RBFOX1: variants seen among roughly 807,000 people sequenced by gnomAD.
The protein encoded by RBFOX1 is RNA binding fox-1 homolog 1, also known as RNA binding protein fox-1 homolog 1.
A neutral mutation model predicts 57.7 loss-of-function variants in RBFOX1; 8 were observed. The observed-to-expected ratio is 0.14, with a 90% CI of 0.08 to 0.25. RBFOX1 has a LOEUF of 0.25. Ranked by LOEUF, RBFOX1 falls within the 10% of genes least tolerant of loss-of-function variation. RBFOX1 has a pLI of 1.00. For missense variants in RBFOX1, 611 were observed against 548.5 expected, an observed-to-expected ratio of 1.11 and a Z score of -1.14; for synonymous variants, 326 against 222.4, an observed-to-expected ratio of 1.47 and a Z score of -4.15.
chr16:6,523,283 G>T (rs1468603845), intron 2 of RBFOX1, among the ~76,000 whole-genome samples: 1 of 152,090 alleles, frequency 6.6e-6, no homozygotes, highest in Non-Finnish European at 1.5e-5. Flanking sequence ...CAGAGGGAGG[G>T]GGGGTTAGTA....
intron 4 of RBFOX1, among the ~76,000 whole-genome samples, chr16:5,907,958 C>A (rs1269015404): frequency 6.6e-6 from 1 of 151,650 alleles, no homozygotes; most frequent in Non-Finnish European, 1.5e-5. Flanking sequence ...ACTATGTTGG[C>A]CAGGCTGATC....
intron 4 of RBFOX1, among the ~76,000 whole-genome samples, chr16:7,247,039 T>A (rs1037545412): frequency 6.6e-6 from 1 of 152,164 alleles, no homozygotes; most frequent in Non-Finnish European, 1.5e-5. Flanking sequence ...TGAGCACTTG[T>A]TTAGTGCATG....
At chr16:7,159,878 C>T (rs1302616129) in intron 4 of RBFOX1, among the ~76,000 whole-genome samples, 1 of 152,174 alleles carries the variant, frequency 6.6e-6, no homozygotes, top group Non-Finnish European at 1.5e-5. Context: ...TGGCTTTGAT[C>T]ATATATACTA....
chr16:5,389,260 A>G (rs1340189444), intron 1 of RBFOX1, among the ~76,000 whole-genome samples: 1 of 152,218 alleles, frequency 6.6e-6, no homozygotes, highest in Non-Finnish European at 1.5e-5. Flanking sequence ...TGAAGGACAC[A>G]AAGAAGAAAG....
intron 4 of RBFOX1, among the ~76,000 whole-genome samples, chr16:7,218,226 A>G (rs1255124448): frequency 6.6e-6 from 1 of 152,118 alleles, no homozygotes; most frequent in Non-Finnish European, 1.5e-5. Context: ...ATTTTCCTTC[A>G]TTAATTTGGC....
At chr16:7,433,861 A>ATTTAACACCTGTGTG (rs2098701768) in intron 4 of RBFOX1, among the ~76,000 whole-genome samples, 1 of 152,246 alleles carries the variant, frequency 6.6e-6, no homozygotes, top group African/African-American at 2.4e-5. Context: ...AGTAAGCCAA[A>ATTTAACACCTGTGTG]TGACAGGGAG....
At chr16:6,677,262 C>G (rs908958182) in intron 3 of RBFOX1, among the ~76,000 whole-genome samples, 2 of 152,168 alleles carry the variant, frequency 1.3e-5, no homozygotes, top group Non-Finnish European at 2.9e-5. Context: ...AATTTAGCTC[C>G]TGTTAGAAGG....
intron 3 of RBFOX1, among the ~76,000 whole-genome samples, chr16:7,008,465 A>G (rs2093427242): frequency 1.3e-5 from 2 of 151,978 alleles, no homozygotes; most frequent in East Asian, 1.9e-4. Flanking sequence ...GCTTGAACCT[A>G]GGAAGCAAAG....
At chr16:5,655,197 A>G (rs146246124) in intron 3 of RBFOX1, among the ~76,000 whole-genome samples, 7 of 152,368 alleles carry the variant, frequency 4.6e-5, no homozygotes, top group African/African-American at 1.4e-4. Flanking sequence ...GCACACCATC[A>G]TATGCAGAAT....
At chr16:7,161,228 G>C (rs549368037) in intron 4 of RBFOX1, among the ~76,000 whole-genome samples, 1 of 152,198 alleles carries the variant, frequency 6.6e-6, no homozygotes, top group African/African-American at 2.4e-5. Context: ...AGGCAGGTTC[G>C]TGGAGAAAGA....
At chr16:6,946,383 C>G (rs2079525609) in intron 3 of RBFOX1, among the ~76,000 whole-genome samples, 1 of 152,190 alleles carries the variant, frequency 6.6e-6, no homozygotes, top group Admixed American at 6.5e-5. Flanking sequence ...TATTGCTTAT[C>G]TGTGCCATAA....
chr16:6,491,565 T>A (rs2095633209), intron 2 of RBFOX1, among the ~76,000 whole-genome samples: 2 of 152,230 alleles, frequency 1.3e-5, no homozygotes, highest in African/African-American at 4.8e-5. Context: ...TATATAGAAT[T>A]GCACATCATT....
At chr16:6,999,569 A>G (rs1007956379) in intron 3 of RBFOX1, among the ~76,000 whole-genome samples, 3 of 152,074 alleles carry the variant, frequency 2.0e-5, no homozygotes, top group African/African-American at 7.2e-5. Context: ...TAGTATACTG[A>G]TCCCTCATAT....
chr16:6,189,369 G>A (rs780237038), intron 1 of RBFOX1, among the ~76,000 whole-genome samples: 3 of 152,210 alleles, frequency 2.0e-5, no homozygotes, highest in African/African-American at 4.8e-5. Context: ...TGGTTCACAG[G>A]TGTCTCTTTT....
intron 4 of RBFOX1, among the ~76,000 whole-genome samples, chr16:7,294,524 GAAA>G (rs35719031): frequency 0.16 from 19,604 of 123,812 alleles, 1,517 homozygotes; most frequent in Middle Eastern, 0.25. Flanking sequence ...GTGTTGGCAA[GAAA>G]AAAAAAAAAA....
intron 3 of RBFOX1, among the ~76,000 whole-genome samples, chr16:7,020,078 G>C (rs1392921222): frequency 6.6e-6 from 1 of 151,176 alleles, no homozygotes; most frequent in East Asian, 1.9e-4. Flanking sequence ...TCTTCCTGTA[G>C]CCTCCCCACT....
intron 1 of RBFOX1, among the ~76,000 whole-genome samples, chr16:5,403,349 C>CAAAAAAA (rs767830099): frequency 2.3e-4 from 19 of 82,138 alleles, no homozygotes; most frequent in East Asian, 7.7e-4. Flanking sequence ...AACGCTGTCT[C>CAAAAAAA]AAAAAAAAAA....
intron 1 of RBFOX1, among the ~76,000 whole-genome samples, chr16:5,327,248 C>G (rs2064603680): frequency 6.6e-6 from 1 of 152,088 alleles, no homozygotes; most frequent in African/African-American, 2.4e-5. Flanking sequence ...AGACCCTGCA[C>G]CAATCTGCTG....
intron 3 of RBFOX1, among the ~76,000 whole-genome samples, chr16:6,732,931 A>G (rs2069049400): frequency 6.6e-6 from 1 of 152,228 alleles, no homozygotes. Context: ...TGAAAATGCT[A>G]ATTTCTGAAT....
Sources: gnomAD v4.1 joint callset for allele counts (sites outside exome capture counted in the v4.1 genomes callset) on GRCh38, gnomAD v4.1.1 for gene constraint, MANE v1.5 for transcripts, NCBI Gene and HGNC (gene_info 2026-07-23, HGNC 2026-07-21) for gene names.